CD40: variants seen among roughly 807,000 people sequenced by gnomAD.
The protein encoded by CD40 is CD40 molecule.
CD40 carries 19 observed loss-of-function variants against 38.5 expected under a neutral mutation model. The ratio of observed to expected loss-of-function variants is 0.49; its 90% CI spans 0.34 to 0.72. CD40 has a LOEUF of 0.72. Among genes scored for constraint, CD40 ranks in the 30% least tolerant of loss-of-function variants. CD40 has a pLI of 0.01. For synonymous variants in CD40, 130 were observed against 128.7 expected, an observed-to-expected ratio of 1.01 and a Z score of -0.07; for missense variants, 256 against 344.1, an observed-to-expected ratio of 0.74 and a Z score of 2.03.
chr20:46,124,696 T>C (rs911591534), intron 5 of CD40, among the ~76,000 whole-genome samples: 1 of 148,478 alleles, frequency 6.7e-6, no homozygotes, highest in African/African-American at 2.5e-5. Context: ...GCATGGTAGG[T>C]GCTTAAATTT....
chr20:46,123,673 G>C (rs2085363360), intron 5 of CD40, among the ~76,000 whole-genome samples: 1 of 152,144 alleles, frequency 6.6e-6, no homozygotes, highest in South Asian at 2.1e-4. Flanking sequence ...TGTCTCCACT[G>C]TTGTCACTTT....
Position 46,124,183 on chromosome 20 carries a change from C to G in CD40, c.497+964C>G, listed in dbSNP as rs563479492. 8.7e-4 allele frequency among the ~76,000 whole-genome samples: 132 copies of G among 152,086 alleles called. No individual in the cohort carries two copies. In the Middle Eastern group the frequency reaches 0.017, roughly 20 times the overall value. Reference sequence around the variant, plus strand: ...GGTGTGGTGGTGGGCGCCTGTAATCCCAGCTCCTCGGGAGGCTGAGGCAGG... The same window carrying G: ...GGTGTGGTGGTGGGCGCCTGTAATCGCAGCTCCTCGGGAGGCTGAGGCAGG... On this transcript the variant is annotated intron_variant, in intron 5 of 8. Coordinates refer to ENST00000372285, the MANE Select transcript of CD40 (RefSeq NM_001250.6).
chr20:46,120,590 A>C (rs1441611805), intron 1 of CD40, among the ~76,000 whole-genome samples: 1 of 152,256 alleles, frequency 6.6e-6, no homozygotes, highest in East Asian at 1.9e-4. Context: ...AAGGCTTGCT[A>C]ATCCTTCTTT....
At chr20:46,119,532 G>A (rs11569307) in intron 1 of CD40, among the ~76,000 whole-genome samples, 1,857 of 152,246 alleles carry the variant, frequency 0.012, 43 homozygotes, top group African/African-American at 0.043. Flanking sequence ...TGGGGTGAAG[G>A]GTGTGATCCA....
intron 5 of CD40, 88 bp from the exon 6 acceptor site, chr20:46,126,552 C>A: frequency 6.6e-7 from 1 of 1,511,288 alleles, no homozygotes; most frequent in Non-Finnish European, 9.1e-7. Context: ...GACTGACTCA[C>A]TCTAGAGTTG....
intron 6 of CD40, 193 bp from the exon 7 acceptor site, chr20:46,127,945 C>A: frequency 9.3e-7 from 1 of 1,076,612 alleles, no homozygotes; most frequent in Non-Finnish European, 1.3e-6. Flanking sequence ...CAAATATTTC[C>A]AAACGTTAAG....
At chr20:46,127,133 A>G (rs2085453407) in intron 6 of CD40, 1 of 172,112 alleles carries the variant, frequency 5.8e-6, no homozygotes, top group Admixed American at 5.5e-5. Flanking sequence ...TTAAAGTATA[A>G]TAATAATAAA....
At chr20:46,128,553 G>A in intron 8 of CD40, 195 bp downstream of exon 8, 1 of 725,088 alleles carries the variant, frequency 1.4e-6, no homozygotes, top group Admixed American at 2.1e-5. Context: ...ACTGCCCCTG[G>A]CACCACTGGC....
At position 46,124,884 on chromosome 20, in the gene CD40, A is replaced by G. The variant is rs1178114572; in HGVS notation, c.497+1665A>G. On this transcript the variant is annotated intron_variant, in intron 5 of 8. Transcript: ENST00000372285. ...CAGGTTCACGCCATTCTCCTGCCTC[A>G]GCCTCCTGAGTAGCTGGGACTATAG... 3.4e-5 allele frequency among the ~76,000 whole-genome samples: 5 copies of G among 147,102 alleles called. No homozygotes were observed. In the East Asian group the frequency reaches 1.1e-3, roughly 31 times the overall value.
Position 46,122,302 on chromosome 20 carries a change from T to A in CD40, c.200T>A (p.Phe67Tyr), listed in dbSNP as rs1442590284. The A allele has an allele frequency of 6.2e-7, 1 of 1,614,000 alleles. No homozygotes were observed. The highest frequency in any genetic ancestry group is 1.3e-5 in the African/African-American group (1 of 74,902). The change falls in exon 3 of 9, where the codon TTC (phenylalanine) becomes TAC (tyrosine). Residue 67 changes from phenylalanine to tyrosine, a missense_variant. By Grantham distance (22) the Phe-to-Tyr change is conservative (BLOSUM62 3). Coordinates refer to ENST00000372285, the MANE Select transcript of CD40 (RefSeq NM_001250.6). The surrounding 1 kb of genome is among the most constrained non-coding windows in gnomAD (Gnocchi z 5.0). The part of the protein sequence containing the change: ...TECLPCGESE[F>Y]LDTWNRETHC... ...TGCCTTCCTTGCGGTGAAAGCGAAT[T>A]CCTAGACACCTGGAACAGAGAGACA...
intron 6 of CD40, 180 bp from the exon 7 acceptor site, chr20:46,127,958 A>T: frequency 3.3e-6 from 4 of 1,201,188 alleles, no homozygotes; most frequent in Non-Finnish European, 4.7e-6. Flanking sequence ...ACGTTAAGAA[A>T]ATGTTCTGGC....
At chr20:46,119,196 T>C (rs1461036233) in intron 1 of CD40, among the ~76,000 whole-genome samples, 1 of 152,174 alleles carries the variant, frequency 6.6e-6, no homozygotes, top group African/African-American at 2.4e-5. Context: ...TCACTTTTTG[T>C]TTAAATGTAT....
rs1317359944 is a variant in CD40 at position 46,128,337 on chromosome 20, G to C, written c.654G>C (p.Val218=). The C allele has an allele frequency of 6.3e-7, 1 of 1,593,764 alleles. No homozygotes were observed. The highest frequency in any genetic ancestry group is 1.1e-5 in the South Asian group (1 of 88,586). Residue 218 remains valine, a synonymous_variant, in exon 8 of 9, where the codon GTG becomes GTC. Coordinates refer to ENST00000372285, the MANE Select transcript of CD40 (RefSeq NM_001250.6). ...ILLVLVFIKK[V]AKKPTNKAPH... is the part of the protein sequence containing the mutation. ...TTTTTTTTTTTTTTTTAGAAAAGGT[G>C]GCCAAGAAGCCAACCAATAAGGTAG...
intron 5 of CD40, 113 bp from the exon 6 acceptor site, chr20:46,126,527 G>T (rs2085439713): frequency 1.6e-6 from 2 of 1,242,672 alleles, no homozygotes; most frequent in East Asian, 4.8e-5. Context: ...AGTGAACCTG[G>T]ATTTGTTGAT....
chr20:46,119,022 A>G (rs530070776), intron 1 of CD40, among the ~76,000 whole-genome samples: 7 of 151,626 alleles, frequency 4.6e-5, no homozygotes, highest in African/African-American at 1.5e-4. Context: ...TGGGGAGATG[A>G]ACAGTTTATG....
In CD40 at chr20:46,123,328, A is replaced by G. The variant is rs559363797; in HGVS notation, c.497+109A>G. ...TGCTCCCAGAGGTCCACACACACTC[A>G]TGTACTTGTGAAGCATCTGCAGAGT... On this transcript the variant is annotated intron_variant, in intron 5 of 8. Coordinates refer to ENST00000372285, the MANE Select transcript of CD40 (RefSeq NM_001250.6). 42 of 893,084 alleles carry G rather than the reference A, an allele frequency of 4.7e-5. 1 individual carries two copies. In the South Asian group the frequency reaches 5.2e-4, roughly 11 times the overall value. The allele number at this position is 893,084 out of a possible 1,614,324, so 55.3% of individuals were successfully genotyped here. A position where few individuals can be genotyped will look rare whatever the true frequency, so the allele number is the denominator to read the frequency against.
rs1568905843 is a variant in CD40 at position 46,122,249 on chromosome 20, T to TG, written c.148dup (p.Asp50GlyfsTer7). 1 of 1,614,110 alleles carries TG rather than the reference T, an allele frequency of 6.2e-7. No homozygotes were observed. The highest frequency in any genetic ancestry group is 1.3e-5 in the African/African-American group (1 of 75,012). ...GTTTTCCAGGACAGAAACTGGTGAG[T>TG]GACTGCACAGAGTTCACTGAAACGG... On this transcript the variant is annotated frameshift_variant, in exon 3 of 9. Transcript: ENST00000372285. LOFTEE classifies it high-confidence loss of function. The surrounding 1 kb of genome is among the most constrained non-coding windows in gnomAD (Gnocchi z 5.0).
Position 46,129,133 on chromosome 20 carries a change from G to A in CD40, c.*93G>A, listed in dbSNP as rs1425846608. Reference sequence around the variant, plus strand: ...TGCTGCTGTGGCGTGAGGGTGAGGGGCTGGCACTGACTGGGCATAGCTCCC... The same window carrying A: ...TGCTGCTGTGGCGTGAGGGTGAGGGACTGGCACTGACTGGGCATAGCTCCC... On this transcript the variant is annotated 3_prime_UTR_variant, in exon 9 of 9. Transcript: ENST00000372285. The A allele has an allele frequency of 7.0e-7, 1 of 1,436,266 alleles. No homozygotes were observed. Among genetic ancestry groups the A allele is most frequent in the Non-Finnish European group, 9.7e-7 (1 of 1,026,942 alleles). 89.0% of individuals were successfully genotyped at this position (1,436,266 alleles called of 1,614,324 possible). A position where few individuals can be genotyped will look rare whatever the true frequency, so the allele number is the denominator to read the frequency against.
intron 5 of CD40, among the ~76,000 whole-genome samples, chr20:46,124,764 T>G (rs981487664): frequency 0.02 from 2,078 of 106,170 alleles, 81 homozygotes; most frequent in African/African-American, 0.069. Context: ...TTTTTTTTTT[T>G]TTTTTTTTTT....
Sources: allele counts gnomAD v4.1 joint callset (sites outside exome capture counted in the v4.1 genomes callset), GRCh38; gene constraint gnomAD v4.1.1; non-coding constraint Gnocchi (gnomAD v3.1); transcripts MANE v1.5; gene names NCBI Gene and HGNC (gene_info 2026-07-23, HGNC 2026-07-21).